Variants in FAXC observed in about 807,000 individuals in gnomAD.
The protein encoded by FAXC is failed axon connections homolog.
FAXC carries 10 observed loss-of-function variants against 41.9 expected under a neutral mutation model. The ratio of observed to expected loss-of-function variants is 0.24; its 90% CI spans 0.15 to 0.41. The LOEUF is 0.41. Ranked by LOEUF, FAXC falls within the 10% of genes least tolerant of loss-of-function variation. The probability of loss-of-function intolerance (pLI) is 1.00; values close to 1 mark genes in which losing one functional copy is unlikely to be tolerated. For synonymous variants in FAXC, 183 were observed against 183.8 expected, an observed-to-expected ratio of 1.00 and a Z score of 0.03; for missense variants, 399 against 510.9, an observed-to-expected ratio of 0.78 and a Z score of 2.11.
intron 4 of FAXC, among the ~76,000 whole-genome samples, chr6:99,292,045 T>C (rs569431049): frequency 6.6e-6 from 1 of 151,854 alleles, no homozygotes; most frequent in African/African-American, 2.4e-5. Context: ...ACAGGGAACA[T>C]ACCAAAATAA....
In FAXC at chr6:99,349,099, C is replaced by T. The variant is rs1056666181; in HGVS notation, c.266+8G>A. 3 of 1,612,914 alleles carry T rather than the reference C, an allele frequency of 1.9e-6. No homozygotes were observed. The highest frequency in any genetic ancestry group is 1.7e-6 in the Non-Finnish European group (2 of 1,179,788). On this transcript the variant is annotated splice_region_variant and intron_variant, in intron 1 of 5. Transcript: ENST00000389677. The stretch of plus-strand genomic sequence containing the variant: ...GCGCCCCTGTGCGGGGCCCTCTCTC[C>T]GGCTCACCTAATGACCAGGAGTTCG...
intron 4 of FAXC, among the ~76,000 whole-genome samples, chr6:99,316,798 G>C (rs1336492197): frequency 6.6e-6 from 1 of 152,136 alleles, no homozygotes; most frequent in East Asian, 1.9e-4. Context: ...CACCCAAATA[G>C]CTATATACTT....
At chr6:99,322,795 A>G (rs977748859) in intron 4 of FAXC, among the ~76,000 whole-genome samples, 22 of 152,194 alleles carry the variant, frequency 1.4e-4, no homozygotes, top group African/African-American at 4.3e-4. Context: ...ACATCATTCT[A>G]TTCCCAGCCA....
chr6:99,283,008 T>C (rs1770895144), intron 5 of FAXC, among the ~76,000 whole-genome samples: 1 of 152,206 alleles, frequency 6.6e-6, no homozygotes, highest in Non-Finnish European at 1.5e-5. Flanking sequence ...TGTCACACTC[T>C]GATCACAGTG....
rs1307651909 is a variant in FAXC, at chr6:99,291,764, C to T, written c.880G>A (p.Gly294Arg). 6.2e-7 allele frequency: 1 copy of T among 1,613,986 alleles called. No homozygotes were observed. The highest frequency in any genetic ancestry group is 8.5e-7 in the Non-Finnish European group (1 of 1,180,028). The change falls in exon 5 of 6, where the codon GGA becomes AGA. Residue 294 changes from glycine to arginine, a missense_variant. Gly to Arg is a moderately radical substitution (Grantham distance 125, BLOSUM62 -2). Transcript: ENST00000389677. ...GTCCACATTGCCTGTGCCAAGTGTC[C>T]AAAGACAGTGGCGTCAAGAGTGGAA... The part of the protein sequence containing the change: ...KLSTLDATVF[G>R]HLAQAMWTLP...
intron 3 of FAXC, among the ~76,000 whole-genome samples, chr6:99,325,149 A>G (rs749938494): frequency 1.3e-5 from 2 of 152,078 alleles, no homozygotes; most frequent in Non-Finnish European, 2.9e-5. Context: ...TTGAGAGAGA[A>G]CTCAAGGAAT....
At chr6:99,285,512 A>G (rs1394065615) in intron 5 of FAXC, among the ~76,000 whole-genome samples, 1 of 152,230 alleles carries the variant, frequency 6.6e-6, no homozygotes. Context: ...TCTGTACATG[A>G]AAAAGGCACA....
intron 4 of FAXC, among the ~76,000 whole-genome samples, chr6:99,302,575 G>C (rs914511950): frequency 5.9e-5 from 9 of 152,124 alleles, no homozygotes; most frequent in African/African-American, 1.9e-4. Context: ...AGAATCACTT[G>C]AACCCAGGAG....
At chr6:99,281,843 T>A (rs1039531721) in intron 5 of FAXC, among the ~76,000 whole-genome samples, 9 of 152,224 alleles carry the variant, frequency 5.9e-5, no homozygotes, top group African/African-American at 1.9e-4. Context: ...CTGTGAGAAA[T>A]ACATTCCTCT....
chr6:99,330,085 C>T (rs1290601919), intron 3 of FAXC, among the ~76,000 whole-genome samples: 1 of 151,792 alleles, frequency 6.6e-6, no homozygotes, highest in East Asian at 1.9e-4. Context: ...GTCTCGAACT[C>T]CTGGGCTCAA....
intron 5 of FAXC, among the ~76,000 whole-genome samples, chr6:99,288,620 C>T (rs529571169): frequency 4.9e-4 from 75 of 152,208 alleles, no homozygotes; most frequent in Admixed American, 1.2e-3. Context: ...CAATGTATTG[C>T]AAAACAAGGA....
chr6:99,328,765 C>T (rs1772921347), intron 3 of FAXC, among the ~76,000 whole-genome samples: 1 of 152,184 alleles, frequency 6.6e-6, no homozygotes, highest in South Asian at 2.1e-4. Context: ...TCTTCAAACC[C>T]TCCCCCAGCA....
chr6:99,290,898 G>A lies in FAXC; in HGVS notation c.940+806C>T, dbSNP rs528499091. Among the ~76,000 whole-genome samples, 49 of 149,330 alleles carry A rather than the reference G, an allele frequency of 3.3e-4. No individual in the cohort carries two copies. The East Asian group carries it at 6.5e-3, about 20-fold the overall frequency. ...ACAATCTTGGCTCACTGCAACCTCCGCCTCCTGTGTTCAAGAGATTCTCCT... is the reference window on the plus strand; with the variant it reads ...ACAATCTTGGCTCACTGCAACCTCCACCTCCTGTGTTCAAGAGATTCTCCT... On this transcript the variant is annotated intron_variant, in intron 5 of 5. Transcript: ENST00000389677.
intron 4 of FAXC, among the ~76,000 whole-genome samples, chr6:99,311,779 T>G (rs1443388732): frequency 6.6e-6 from 1 of 152,192 alleles, no homozygotes; most frequent in Non-Finnish European, 1.5e-5. Context: ...CAGCTCTGTC[T>G]TAAAATTCTG....
intron 4 of FAXC, among the ~76,000 whole-genome samples, chr6:99,323,163 G>A (rs1411004593): frequency 6.6e-6 from 1 of 152,154 alleles, no homozygotes; most frequent in Non-Finnish European, 1.5e-5. Flanking sequence ...ACATTCAGAA[G>A]TGCCAGCATC....
At chr6:99,341,464 A>G (rs557474372) in intron 2 of FAXC, among the ~76,000 whole-genome samples, 2 of 152,314 alleles carry the variant, frequency 1.3e-5, no homozygotes, top group South Asian at 4.1e-4. Context: ...ATCTATCTCA[A>G]TATCTGATAA....
chr6:99,328,419 G>A (rs1772899118), intron 3 of FAXC, among the ~76,000 whole-genome samples: 1 of 152,190 alleles, frequency 6.6e-6, no homozygotes, highest in Non-Finnish European at 1.5e-5. Flanking sequence ...GAGTCAGGAA[G>A]CTGGCCCTCG....
intron 3 of FAXC, among the ~76,000 whole-genome samples, chr6:99,330,367 C>T (rs1772987778): frequency 6.6e-6 from 1 of 152,038 alleles, no homozygotes; most frequent in African/African-American, 2.4e-5. Context: ...CCCTTTACAC[C>T]AGCTTCTCTG....
chr6:99,293,663 A>C (rs908468552), intron 4 of FAXC, among the ~76,000 whole-genome samples: 1 of 117,024 alleles, frequency 8.5e-6, no homozygotes, highest in Non-Finnish European at 1.9e-5. Flanking sequence ...TGCTCTATAC[A>C]CAGTGTGTGT....
Sources: allele counts gnomAD v4.1 joint callset (sites outside exome capture counted in the v4.1 genomes callset), GRCh38; gene constraint gnomAD v4.1.1; transcripts MANE v1.5; gene names NCBI Gene and HGNC (gene_info 2026-07-23, HGNC 2026-07-21).